NRXN3: variants seen among roughly 807,000 people sequenced by gnomAD.
NRXN3 encodes the protein neurexin 3.
NRXN3 carries 32 observed loss-of-function variants against 137.6 expected under a neutral mutation model. The ratio of observed to expected loss-of-function variants is 0.23; its 90% CI spans 0.18 to 0.31. The LOEUF is 0.31. NRXN3 is among the 10% of genes least tolerant of loss of function. NRXN3 has a pLI of 1.00. For synonymous variants in NRXN3, 798 were observed against 784.5 expected (o/e 1.02, Z -0.29); for missense variants, 1,574 against 2,062.5 (o/e 0.76, Z 4.59).
chr14:79,299,846 A>G (rs144563867), intron 15 of NRXN3, among the ~76,000 whole-genome samples: 62 of 152,176 alleles, frequency 4.1e-4, no homozygotes, highest in African/African-American at 1.4e-3. Context: ...TTTGTATACC[A>G]CTTCCAGAAA....
At chr14:78,827,685 GC>G (rs2098970825) in intron 10 of NRXN3, among the ~76,000 whole-genome samples, 1 of 152,152 alleles carries the variant, frequency 6.6e-6, no homozygotes, top group Non-Finnish European at 1.5e-5. Context: ...ATACTGGCTT[GC>G]CTTGTTCCTG....
intron 4 of NRXN3, among the ~76,000 whole-genome samples, chr14:78,591,543 A>T (rs1055499122): frequency 6.6e-6 from 1 of 152,168 alleles, no homozygotes; most frequent in African/African-American, 2.4e-5. Context: ...AATCATAGTG[A>T]TAAAGGGAAA....
intron 19 of NRXN3, among the ~76,000 whole-genome samples, chr14:79,771,272 A>T (rs910181712): frequency 6.6e-6 from 1 of 152,124 alleles, no homozygotes; most frequent in East Asian, 1.9e-4. Context: ...CTAACTCATT[A>T]TATGAGGACA....
At chr14:79,110,774 A>ATTTG (rs1233106172) in intron 15 of NRXN3, among the ~76,000 whole-genome samples, 10 of 146,488 alleles carry the variant, frequency 6.8e-5, no homozygotes, top group Admixed American at 6.1e-4. Context: ...TTATTTATTT[A>ATTTG]TTTATTTATT....
intron 16 of NRXN3, among the ~76,000 whole-genome samples, chr14:79,511,458 C>T (rs182079439): frequency 6.6e-6 from 1 of 152,316 alleles, no homozygotes; most frequent in East Asian, 1.9e-4. Flanking sequence ...CGTCTCTAAG[C>T]AATTCCCTTA....
At chr14:78,365,666 GA>G (rs944696646) in intron 4 of NRXN3, among the ~76,000 whole-genome samples, 6 of 152,078 alleles carry the variant, frequency 3.9e-5, no homozygotes, top group African/African-American at 9.7e-5. Context: ...AGTGGAAGAT[GA>G]AAAAAATGTG....
chr14:78,289,993 A>C (rs1055594224), intron 3 of NRXN3, among the ~76,000 whole-genome samples: 2 of 152,218 alleles, frequency 1.3e-5, no homozygotes, highest in African/African-American at 4.8e-5. Flanking sequence ...TTAGCTGCAC[A>C]TAGTAGTTCC....
At chr14:79,166,550 T>C (rs971415582) in intron 15 of NRXN3, among the ~76,000 whole-genome samples, 2 of 150,898 alleles carry the variant, frequency 1.3e-5, no homozygotes, top group Non-Finnish European at 3.0e-5. Flanking sequence ...TAATTTTGTT[T>C]AGTTTTTTTT....
chr14:79,351,837 TG>T (rs2093222877), intron 15 of NRXN3, among the ~76,000 whole-genome samples: 1 of 152,196 alleles, frequency 6.6e-6, no homozygotes, highest in Non-Finnish European at 1.5e-5. Flanking sequence ...CTAAAGGCAT[TG>T]GTGTCTCACT....
At chr14:78,225,980 T>TTGGG (rs1347864670) in intron 1 of NRXN3, among the ~76,000 whole-genome samples, 4 of 133,796 alleles carry the variant, frequency 3.0e-5, no homozygotes, top group African/African-American at 6.1e-5. Flanking sequence ...TGTTGGTGTG[T>TTGGG]GTGTGTGTGT....
At chr14:79,041,938 A>G in intron 15 of NRXN3, among the ~76,000 whole-genome samples, 1 of 152,188 alleles carries the variant, frequency 6.6e-6, no homozygotes, top group Non-Finnish European at 1.5e-5. Context: ...GGAATGTTAG[A>G]AGAATAGTGA....
chr14:78,345,656 G>A (rs2082646887), intron 4 of NRXN3, among the ~76,000 whole-genome samples: 1 of 152,108 alleles, frequency 6.6e-6, no homozygotes, highest in Admixed American at 6.5e-5. Flanking sequence ...GATGGATATA[G>A]CAAACCAATT....
chr14:78,509,188 A>G (rs928477705), intron 4 of NRXN3, among the ~76,000 whole-genome samples: 3 of 152,092 alleles, frequency 2.0e-5, no homozygotes, highest in African/African-American at 4.8e-5. Context: ...AATCCTAGCT[A>G]CTTGGAAGGC....
At chr14:78,235,770 G>A (rs983948981) in intron 1 of NRXN3, among the ~76,000 whole-genome samples, 8 of 152,164 alleles carry the variant, frequency 5.3e-5, no homozygotes, top group African/African-American at 1.9e-4. Context: ...TTTTCCTAAA[G>A]GGTAAGGCTT....
chr14:78,685,631 T>C (rs2098118452), intron 6 of NRXN3, among the ~76,000 whole-genome samples: 1 of 2,006 alleles, frequency 5.0e-4, no homozygotes, highest in Non-Finnish European at 3.1e-3. Flanking sequence ...AAATGTCACT[T>C]TTTTTTTTTT....
At chr14:79,465,860 G>C (rs2096414882) in intron 15 of NRXN3, among the ~76,000 whole-genome samples, 1 of 152,176 alleles carries the variant, frequency 6.6e-6, no homozygotes, top group African/African-American at 2.4e-5. Context: ...TTCGCTATGG[G>C]TAACACCACT....
intron 15 of NRXN3, among the ~76,000 whole-genome samples, chr14:79,115,794 A>T (rs980977730): frequency 7.9e-5 from 12 of 152,148 alleles, no homozygotes; most frequent in Non-Finnish European, 1.5e-4. Flanking sequence ...TTTTACCGTG[A>T]TGTATTTTGT....
intron 8 of NRXN3, among the ~76,000 whole-genome samples, chr14:78,740,695 T>C (rs1273659983): frequency 6.6e-6 from 1 of 152,172 alleles, no homozygotes; most frequent in Non-Finnish European, 1.5e-5. Context: ...AAGTTCTCTT[T>C]GCATGTTGGC....
intron 2 of NRXN3, among the ~76,000 whole-genome samples, chr14:78,246,632 C>T (rs569692636): frequency 6.6e-6 from 1 of 152,172 alleles, no homozygotes; most frequent in Non-Finnish European, 1.5e-5. Flanking sequence ...GTCATCAAGT[C>T]TAATCAATCA....
Sources: gnomAD v4.1 joint callset for allele counts (sites outside exome capture counted in the v4.1 genomes callset) on GRCh38, gnomAD v4.1.1 for gene constraint, MANE v1.5 for transcripts, NCBI Gene and HGNC (gene_info 2026-07-23, HGNC 2026-07-21) for gene names.